XPC: variants seen among roughly 807,000 people sequenced by gnomAD.
The protein encoded by XPC is XPC complex subunit, DNA damage recognition and repair factor, also known as DNA repair protein complementing XP-C cells.
XPC carries 76 observed loss-of-function variants against 95.8 expected under a neutral mutation model. The ratio of observed to expected loss-of-function variants is 0.79; its 90% CI spans 0.66 to 0.96. The LOEUF is 0.96. Among genes scored for constraint, XPC ranks in the 40% least tolerant of loss-of-function variants. The pLI is 0.00. For missense variants in XPC, 1,146 were observed against 1,179.8 expected, an observed-to-expected ratio of 0.97 and a Z score of 0.42; for synonymous variants, 442 against 442.1, an observed-to-expected ratio of 1.00 and a Z score of 0.00.
At chr3:14,154,815 AATTT>A (rs1470367640) in intron 10 of XPC, among the ~76,000 whole-genome samples, 52 of 22,984 alleles carry the variant, frequency 2.3e-3, no homozygotes, top group African/African-American at 9.5e-3. Context: ...AAATATTATA[AATTT>A]ATTTATATAT....
At chr3:14,147,052 T>C (rs568513655) in intron 15 of XPC, among the ~76,000 whole-genome samples, 86 of 152,248 alleles carry the variant, frequency 5.6e-4, no homozygotes, top group Non-Finnish European at 1.0e-3. Context: ...ATGTGGACAG[T>C]AGAAACGGGG....
chr3:14,174,213 G>A (rs940497763), intron 1 of XPC, among the ~76,000 whole-genome samples: 2 of 152,016 alleles, frequency 1.3e-5, no homozygotes, highest in African/African-American at 2.4e-5. Flanking sequence ...ACATTGTATG[G>A]AAACCAAAAA....
intron 7 of XPC, 123 bp downstream of exon 7, chr3:14,164,690 G>C: frequency 1.0e-6 from 1 of 1,000,332 alleles, no homozygotes; most frequent in South Asian, 1.6e-5. Context: ...AGCTATCAAC[G>C]TCATTATGAG....
In XPC at chr3:14,164,850, G is replaced by GT. The variant is rs1468167957; in HGVS notation, c.862_863insA (p.Ala288AspfsTer8). The GT allele has an allele frequency of 6.2e-7, 1 of 1,613,272 alleles. No individual in the cohort carries two copies. Among genetic ancestry groups the GT allele is most frequent in the Non-Finnish European group, 8.5e-7 (1 of 1,179,656 alleles). ...CTCATCATCTCGAGCAGAGTAAATA[G>GT]CAAATCTCCTTTCCAATGTAGTCTG... On this transcript the variant is annotated frameshift_variant, in exon 7 of 16. Coordinates refer to ENST00000285021, the MANE Select transcript of XPC (RefSeq NM_004628.5). LOFTEE classifies it high-confidence loss of function.
chr3:14,170,420 C>G lies in XPC; in HGVS notation c.412+18G>C. On this transcript the variant is annotated intron_variant, in intron 3 of 15. Coordinates refer to ENST00000285021, the MANE Select transcript of XPC (RefSeq NM_004628.5). ...AAACAGAACCAAACAGTTCTGAAAA[C>G]AAAGAAAGATGTTTCACCTTCAACC... The G allele has an allele frequency of 6.2e-7, 1 of 1,609,154 alleles. No individual in the cohort carries two copies. The highest frequency in any genetic ancestry group is 8.5e-7 in the Non-Finnish European group (1 of 1,175,762).
chr3:14,153,815 T>C (rs1695793629), intron 10 of XPC, among the ~76,000 whole-genome samples: 1 of 152,196 alleles, frequency 6.6e-6, no homozygotes, highest in African/African-American at 2.4e-5. Context: ...CTACCGCACA[T>C]GGTTGCTGGG....
Position 14,158,075 on chromosome 3 carries a change from C to T in XPC, c.1808G>A (p.Trp603Ter), listed in dbSNP as rs767209381. Residue 603 changes from tryptophan to a stop codon, truncating the protein, a stop_gained, in exon 9 of 16, where the codon TGG becomes TAG. Transcript: ENST00000285021. LOFTEE classifies it high-confidence loss of function. This position sits in a 1 kb window ranked among gnomAD's most constrained non-coding sequence, Gnocchi z 5.2. Reference protein sequence around the residue: ...TRKCRVDAEWWAETLRPYQSP... With the variant: ...TRKCRVDAEW ...CTGGTATGGTCTCAAGGTCTCGGCC[C>T]ACCACTCAGCATCAACCCGGCACTT... The T allele has an allele frequency of 6.2e-7, 1 of 1,613,842 alleles. No individual in the cohort carries two copies. The highest frequency in any genetic ancestry group is 8.5e-7 in the Non-Finnish European group (1 of 1,179,748).
chr3:14,158,182 G>C lies in XPC; in HGVS notation c.1701C>G (p.Thr567=). The part of the protein sequence containing the change: ...TCYKYATKPM[T]YVVGIDSDGW... ...CGTCACTGTCAATGCCCACCACATA[G>C]GTCATGGGCTTGGTGGCGTACTTGT... The change falls in exon 9 of 16, where the codon ACC becomes ACG. Residue 567 remains threonine (T), a synonymous_variant. Transcript: ENST00000285021. This position sits in a 1 kb window ranked among gnomAD's most constrained non-coding sequence, Gnocchi z 5.2. 1 of 1,613,938 alleles carries C rather than the reference G, an allele frequency of 6.2e-7. No homozygotes were observed. The highest frequency in any genetic ancestry group is 1.1e-5 in the South Asian group (1 of 91,078).
chr3:14,152,123 G>C, intron 11 of XPC: 1 of 517,030 alleles, frequency 1.9e-6, no homozygotes, highest in South Asian at 2.7e-5. Context: ...TTGTGTTTTG[G>C]AAGATCCATT....
In XPC at chr3:14,148,622, T is replaced by C; in HGVS notation, c.2360A>G (p.Asp787Gly). 6.2e-7 allele frequency: 1 copy of C among 1,613,994 alleles called. No individual in the cohort carries two copies. Among genetic ancestry groups the C allele is most frequent in the Non-Finnish European group, 8.5e-7 (1 of 1,179,890 alleles). ...PNLHRVARKL[D>G]IDCVQAITGF... The stretch of plus-strand genomic sequence containing the variant: ...AGTGATGGCCTGGACACAGTCGATG[T>C]CCAGCTTGCGGGCCACGCGGTGTAG... The change falls in exon 13 of 16, where the codon GAC (aspartate) becomes GGC (glycine). Residue 787 changes from aspartate (D) to glycine (G), a missense_variant. Physicochemically the swap from Asp to Gly is moderately conservative, Grantham distance 94. Transcript: ENST00000285021.
At chr3:14,154,393 C>G (rs1232274270) in intron 10 of XPC, among the ~76,000 whole-genome samples, 14 of 152,140 alleles carry the variant, frequency 9.2e-5, no homozygotes, top group Admixed American at 2.6e-4. Flanking sequence ...AAGGTGGAGA[C>G]GAGCCAAGTG....
rs1225152222 is a variant in XPC at position 14,148,668 on chromosome 3, C to T, written c.2314G>A (p.Val772Ile). ...FLPSMMPIGC[V>I]QLNLPNLHRV... ...TGTAGATTGGGCAGGTTCAGCTGGA[C>T]ACAGCCAATAGGCATCATGCTGGGC... is the stretch of plus-strand genomic sequence containing the variant. Residue 772 changes from valine (V) to isoleucine (I), a missense_variant, in exon 13 of 16, where the codon GTC becomes ATC. Physicochemically the swap from Val to Ile is conservative, Grantham distance 29. Coordinates refer to ENST00000285021, the MANE Select transcript of XPC (RefSeq NM_004628.5). 1 of 1,613,394 alleles carries T rather than the reference C, an allele frequency of 6.2e-7. No homozygotes were observed. Among genetic ancestry groups the T allele is most frequent in the South Asian group, 1.1e-5 (1 of 91,032 alleles).
chr3:14,167,944 AAACGTTACTTAGCGTCTG>A (rs1696451461), intron 4 of XPC, among the ~76,000 whole-genome samples: 1 of 152,170 alleles, frequency 6.6e-6, no homozygotes, highest in Admixed American at 6.5e-5. Flanking sequence ...GTGACTCTTG[AAACGTTACTTAGCGTCTG>A]AACGTTACTT....
intron 1 of XPC, among the ~76,000 whole-genome samples, chr3:14,175,883 G>C (rs1696795236): frequency 6.6e-6 from 1 of 152,226 alleles, no homozygotes; most frequent in South Asian, 2.1e-4. Flanking sequence ...AACAAAGGTT[G>C]TAACTCTGCA....
chr3:14,155,318 C>T (rs1235799939), intron 10 of XPC, among the ~76,000 whole-genome samples: 1 of 152,224 alleles, frequency 6.6e-6, no homozygotes, highest in Admixed American at 6.5e-5. Context: ...TTATTAAGAA[C>T]ATCTCCTATT....
rs778448461 is a variant in XPC at position 14,158,527 on chromosome 3, G to A, written c.1356C>T (p.Ala452=). ...CGGAATCCTCATCAGAGGGATCAGAGGCTTCTCCACTGGAGAGCTCAAAAT... is the reference window on the plus strand; with the variant it reads ...CGGAATCCTCATCAGAGGGATCAGAAGCTTCTCCACTGGAGAGCTCAAAAT... The part of the protein sequence containing the change: ...GSDFELSSGE[A]SDPSDEDSEP... Residue 452 remains alanine (A), a synonymous_variant, in exon 9 of 16, where the codon GCC becomes GCT. Coordinates refer to ENST00000285021, the MANE Select transcript of XPC (RefSeq NM_004628.5). The surrounding 1 kb of genome is among the most constrained non-coding windows in gnomAD (Gnocchi z 5.2). The A allele has an allele frequency of 1.9e-6, 3 of 1,612,896 alleles. No homozygotes were observed. Among genetic ancestry groups the A allele is most frequent in the African/African-American group, 2.7e-5 (2 of 74,834 alleles).
chr3:14,158,390 G>A lies in XPC; in HGVS notation c.1493C>T (p.Pro498Leu), dbSNP rs1696015899. The A allele has an allele frequency of 6.2e-7, 1 of 1,613,886 alleles. No individual in the cohort carries two copies. The highest frequency in any genetic ancestry group is 1.1e-5 in the South Asian group (1 of 91,084). Residue 498 changes from proline to leucine, a missense_variant, in exon 9 of 16, where the codon CCA (proline) becomes CTA (leucine). Pro to Leu is a moderately conservative substitution (Grantham distance 98, BLOSUM62 -3). Coordinates refer to ENST00000285021, the MANE Select transcript of XPC (RefSeq NM_004628.5). The surrounding 1 kb of genome is among the most constrained non-coding windows in gnomAD (Gnocchi z 5.2). ...GCTTGAAGAGCTTGAGGATGCCGCT[G>A]GCAAGCTTGGGTCCTTACGATGGCT... ...RGSHRKDPSL[P>L]AASSSSSSSK... is the part of the protein sequence containing the mutation.
At chr3:14,162,918 C>T (rs144601356) in intron 7 of XPC, among the ~76,000 whole-genome samples, 13 of 152,088 alleles carry the variant, frequency 8.5e-5, no homozygotes, top group African/African-American at 3.1e-4. Flanking sequence ...TACAAATCAT[C>T]AACAAAAAGG....
At chr3:14,177,641 C>T (rs768532332) in intron 1 of XPC, among the ~76,000 whole-genome samples, 1 of 150,506 alleles carries the variant, frequency 6.6e-6, no homozygotes, top group Non-Finnish European at 1.5e-5. Flanking sequence ...CAGGATAAAA[C>T]AACTGGATTT....
Sources: allele counts gnomAD v4.1 joint callset (sites outside exome capture counted in the v4.1 genomes callset), GRCh38; gene constraint gnomAD v4.1.1; non-coding constraint Gnocchi (gnomAD v3.1); transcripts MANE v1.5; gene names NCBI Gene and HGNC (gene_info 2026-07-23, HGNC 2026-07-21).